Variants in KLF12 observed in about 807,000 individuals in gnomAD.
The protein encoded by KLF12 is Krueppel-like factor 12.
A neutral mutation model predicts 37.8 loss-of-function variants in KLF12; 9 were observed. That is an observed-to-expected ratio of 0.24 (90% CI 0.14 to 0.42). The LOEUF is 0.42. Ranked by LOEUF, KLF12 falls within the 10% of genes least tolerant of loss-of-function variation. KLF12 has a pLI of 1.00. For synonymous variants in KLF12, 208 were observed against 202.1 expected (o/e 1.03, Z -0.25); for missense variants, 411 against 516.0 (o/e 0.80, Z 1.97).
intron 1 of KLF12, 129 bp from the exon 2 acceptor site, chr13:73,995,182 T>A: frequency 1.6e-6 from 1 of 625,554 alleles, no homozygotes; most frequent in Non-Finnish European, 2.7e-6. Context: ...CTGAGGAATA[T>A]CTTTTCTTCA....
At chr13:74,267,556 A>G in the KLF12 span, among the ~76,000 whole-genome samples, 1 of 152,206 alleles carries the variant, frequency 6.6e-6, no homozygotes, top group African/African-American at 2.4e-5. Flanking sequence ...TAGAGAGTAG[A>G]ATGATGGCTA....
chr13:74,039,017 T>C (rs1347845789), intron 1 of KLF12, among the ~76,000 whole-genome samples: 1 of 143,998 alleles, frequency 6.9e-6, no homozygotes, highest in African/African-American at 2.4e-5. Context: ...ATGGATTCAC[T>C]TTGCACAATA....
chr13:74,040,901 T>C (rs1319751154), intron 1 of KLF12, among the ~76,000 whole-genome samples: 1 of 152,180 alleles, frequency 6.6e-6, no homozygotes, highest in Non-Finnish European at 1.5e-5. Flanking sequence ...CTTTGACCCC[T>C]CCTTCACCCA....
chr13:73,878,565 A>G (rs1886826768), intron 3 of KLF12, among the ~76,000 whole-genome samples: 1 of 152,186 alleles, frequency 6.6e-6, no homozygotes, highest in Non-Finnish European at 1.5e-5. Context: ...GGCTCCGGTT[A>G]TCTTCTCATG....
At chr13:73,705,896 G>A (rs142496891) in intron 7 of KLF12, among the ~76,000 whole-genome samples, 82 of 152,314 alleles carry the variant, frequency 5.4e-4, no homozygotes, top group African/African-American at 2.0e-3. Context: ...GCTCACGCCT[G>A]TAATCCCAGC....
At chr13:73,892,024 A>AT (rs11305854) in intron 3 of KLF12, among the ~76,000 whole-genome samples, 85 of 149,334 alleles carry the variant, frequency 5.7e-4, no homozygotes, top group Middle Eastern at 3.5e-3. Context: ...CATTGACAAT[A>AT]TTTTTTTTTT....
chr13:73,927,029 A>G (rs1361490619), intron 3 of KLF12, among the ~76,000 whole-genome samples: 2 of 152,220 alleles, frequency 1.3e-5, no homozygotes, highest in African/African-American at 4.8e-5. Context: ...AGCATAAAAA[A>G]TGTGAAAGGG....
chr13:74,172,940 C>T, the KLF12 span, among the ~76,000 whole-genome samples: 11 of 152,290 alleles, frequency 7.2e-5, no homozygotes, highest in Admixed American at 5.9e-4. Context: ...AAAGTGCCCA[C>T]GTCTACATGA....
chr13:74,196,608 TTTCTGCA>T, the KLF12 span, among the ~76,000 whole-genome samples: 1 of 152,184 alleles, frequency 6.6e-6, no homozygotes, highest in Admixed American at 6.5e-5. Context: ...CCATCTAAGC[TTTCTGCA>T]TCATGAGTTT....
chr13:74,052,697 TAAGTA>T (rs1872998230), intron 1 of KLF12, among the ~76,000 whole-genome samples: 1 of 152,108 alleles, frequency 6.6e-6, no homozygotes, highest in South Asian at 2.1e-4. Flanking sequence ...ATCACGGCCA[TAAGTA>T]AAGAATCAAG....
intron 2 of KLF12, among the ~76,000 whole-genome samples, chr13:73,977,363 C>A (rs2138151958): frequency 6.6e-6 from 1 of 152,214 alleles, no homozygotes; most frequent in East Asian, 1.9e-4. Flanking sequence ...ACATTCTTTT[C>A]AAACACATAC....
upstream of KLF12, among the ~76,000 whole-genome samples, chr13:74,137,525 T>G (rs968755379): frequency 1.3e-5 from 2 of 152,072 alleles, no homozygotes; most frequent in Non-Finnish European, 2.9e-5. Context: ...ATGCATTGAG[T>G]TTCTTTTACC....
At chr13:73,752,466 C>T (rs1486610317) in intron 6 of KLF12, among the ~76,000 whole-genome samples, 2 of 72,930 alleles carry the variant, frequency 2.7e-5, no homozygotes, top group Admixed American at 2.4e-4. Flanking sequence ...CCAATGGCAC[C>T]TACCTTTACA....
chr13:74,298,224 G>A, the KLF12 span, among the ~76,000 whole-genome samples: 1 of 152,150 alleles, frequency 6.6e-6, no homozygotes, highest in Non-Finnish European at 1.5e-5. Flanking sequence ...GTAGTTTTAT[G>A]GCATTTAAAT....
intron 7 of KLF12, among the ~76,000 whole-genome samples, chr13:73,707,547 T>C (rs1211252389): frequency 3.3e-5 from 5 of 152,196 alleles, no homozygotes; most frequent in African/African-American, 9.6e-5. Context: ...TGCTCTTAAA[T>C]GATTTATTAT....
chr13:74,037,690 C>A (rs1475943958), intron 1 of KLF12, among the ~76,000 whole-genome samples: 3 of 152,170 alleles, frequency 2.0e-5, no homozygotes, highest in African/African-American at 7.2e-5. Flanking sequence ...GGAGTGGACT[C>A]CCATTATGAT....
At chr13:73,935,294 T>C (rs1399608658) in intron 3 of KLF12, among the ~76,000 whole-genome samples, 1 of 152,150 alleles carries the variant, frequency 6.6e-6, no homozygotes, top group Non-Finnish European at 1.5e-5. Flanking sequence ...CGGCCTACTT[T>C]GGATAGTTTT....
At chr13:74,016,748 C>T (rs1403433429) in intron 1 of KLF12, among the ~76,000 whole-genome samples, 2 of 152,120 alleles carry the variant, frequency 1.3e-5, no homozygotes, top group Admixed American at 6.5e-5. Context: ...AAATATACTC[C>T]TTAAGACTCA....
chr13:74,058,027 C>T (rs1377251511), intron 1 of KLF12, among the ~76,000 whole-genome samples: 1 of 150,826 alleles, frequency 6.6e-6, no homozygotes, highest in Non-Finnish European at 1.5e-5. Context: ...AGTGCAGTGG[C>T]ATGATCTCGG....
Sources: gnomAD v4.1 joint callset for allele counts (sites outside exome capture counted in the v4.1 genomes callset) on GRCh38, gnomAD v4.1.1 for gene constraint, MANE v1.5 for transcripts, NCBI Gene and HGNC (gene_info 2026-07-23, HGNC 2026-07-21) for gene names.